Variants in POLD1 observed in about 807,000 individuals in gnomAD.
The protein encoded by POLD1 is DNA polymerase delta catalytic subunit.
POLD1 carries 79 observed loss-of-function variants against 129.7 expected under a neutral mutation model. That is an observed-to-expected ratio of 0.61 (90% CI 0.51 to 0.73). The LOEUF (loss-of-function observed/expected upper bound fraction) is 0.73, where lower values mean the gene tolerates loss of function less well. Among genes scored for constraint, POLD1 ranks in the 30% least tolerant of loss-of-function variants. POLD1 has a pLI of 0.00. For synonymous variants in POLD1, 714 were observed against 683.3 expected, an observed-to-expected ratio of 1.04 and a Z score of -0.70; for missense variants, 1,338 against 1,595.8, an observed-to-expected ratio of 0.84 and a Z score of 2.75.
intron 1 of POLD1, among the ~76,000 whole-genome samples, chr19:50,395,910 G>C (rs1237342561): frequency 1.5e-5 from 2 of 137,362 alleles, no homozygotes; most frequent in Non-Finnish European, 3.0e-5. Flanking sequence ...TTGAGACAGG[G>C]TATTGCCATC....
rs112721361 is a variant in POLD1, at chr19:50,399,381, A to G, written c.213A>G (p.Pro71=). Residue 71 remains proline, a synonymous_variant, in exon 3 of 27, where the codon CCA becomes CCG. Coordinates refer to ENST00000440232, the MANE Select transcript of POLD1 (RefSeq NM_002691.4). ...CCCTTCCCCCACCAGGGCAGGTCCC[A>G]CCATCAGCCATAGATCCTCGCTGGC... ...VLEGVADGQV[P]PSAIDPRWLR... 3.1e-6 allele frequency: 5 copies of G among 1,613,532 alleles called. No homozygotes were observed. The highest frequency in any genetic ancestry group is 1.7e-5 in the Admixed American group (1 of 60,008).
intron 25 of POLD1, 21 bp from the exon 26 acceptor site, chr19:50,417,151 C>T (rs1182270518): frequency 1.3e-6 from 2 of 1,578,990 alleles, no homozygotes; most frequent in South Asian, 1.1e-5. Context: ...GGGCGCCCTG[C>T]TCAGCCGCTG....
At chr19:50,407,830 C>T (rs1392617335) in intron 14 of POLD1, among the ~76,000 whole-genome samples, 1 of 150,288 alleles carries the variant, frequency 6.7e-6, no homozygotes, top group African/African-American at 2.4e-5. Flanking sequence ...CCTCGGCCTC[C>T]CAAAGTGCTG....
chr19:50,393,631 A>G lies in POLD1; in HGVS notation c.-1-5220A>G, dbSNP rs1457396742. On this transcript the variant is annotated intron_variant, in intron 1 of 26. Transcript: ENST00000440232. ...CAGTGAGCTGAGATCATGCCACTGC[A>G]CTCTAGCCTGGGCAACAGAGTGAGA... is the stretch of plus-strand genomic sequence containing the variant. Among the ~76,000 whole-genome samples the G allele has an allele frequency of 2.6e-5, 4 of 152,180 alleles. No homozygotes were observed. The South Asian group carries it at 8.3e-4, about 32-fold the overall frequency.
At position 50,409,274 on chromosome 19, in the gene POLD1, T is replaced by C. The variant is rs764139410; in HGVS notation, c.2006+39T>C. ...ATCGCCTGCTTGGAGCTCAGACCTG[T>C]TGGGGCCTCTGGGCAATCCCTGTCC... On this transcript the variant is annotated intron_variant, in intron 16 of 26. Coordinates refer to ENST00000440232, the MANE Select transcript of POLD1 (RefSeq NM_002691.4). The surrounding 1 kb of genome is among the most constrained non-coding windows in gnomAD (Gnocchi z 5.8). The C allele has an allele frequency of 9.7e-6, 14 of 1,436,560 alleles. No individual in the cohort carries two copies. The South Asian group carries it at 1.3e-4, about 13-fold the overall frequency. The allele number at this position is 1,436,560 out of a possible 1,614,324, so 89.0% of individuals were successfully genotyped here. A position where few individuals can be genotyped will look rare whatever the true frequency, so the allele number is the denominator to read the frequency against.
At chr19:50,416,561 G>A (rs769170847) in intron 23 of POLD1, 33 bp downstream of exon 23, 1 of 1,544,846 alleles carries the variant, frequency 6.5e-7, no homozygotes, top group Admixed American at 1.9e-5. Flanking sequence ...GGGGCACCCT[G>A]GGGGGGCAGA....
intron 3 of POLD1, among the ~76,000 whole-genome samples, chr19:50,401,539 C>T (rs1333551401): frequency 6.6e-6 from 1 of 150,994 alleles, no homozygotes; most frequent in African/African-American, 2.4e-5. Flanking sequence ...CTGTGCACGG[C>T]CAGTTGTTTT....
chr19:50,391,439 C>T (rs1244921767), intron 1 of POLD1, among the ~76,000 whole-genome samples: 5 of 152,234 alleles, frequency 3.3e-5, no homozygotes, highest in Non-Finnish European at 4.4e-5. Flanking sequence ...ACTCCGTCTG[C>T]AATCCCGGCA....
rs1388274211 is a variant in POLD1 at position 50,402,318 on chromosome 19, G to A, written c.703G>A (p.Gly235Ser). The A allele has an allele frequency of 6.2e-7, 1 of 1,611,082 alleles. No individual in the cohort carries two copies. The highest frequency in any genetic ancestry group is 2.2e-5 in the East Asian group (1 of 44,824). The part of the protein sequence containing the change: ...RLLEQGIRVA[G>S]LGTPSFAPYE... ...CCTGGAACAGGGCATCCGTGTGGCA[G>A]GCCTGGGCACGCCCAGCTTCGCGCC... The change falls in exon 6 of 27, where the codon GGC (glycine) becomes AGC (serine). Residue 235 changes from glycine (G) to serine (S), a missense_variant. By Grantham distance (56) the Gly-to-Ser change is moderately conservative. Coordinates refer to ENST00000440232, the MANE Select transcript of POLD1 (RefSeq NM_002691.4).
intron 3 of POLD1, among the ~76,000 whole-genome samples, chr19:50,400,435 G>A (rs2122214135): frequency 6.7e-6 from 1 of 149,522 alleles, no homozygotes; most frequent in South Asian, 2.1e-4. Flanking sequence ...TGGCCAGGCT[G>A]GTTTCAAACT....
In POLD1 at chr19:50,414,973, C is replaced by T. The variant is rs752705226; in HGVS notation, c.2547C>T (p.Arg849=). 1.8e-5 allele frequency: 29 copies of T among 1,590,566 alleles called. No homozygotes were observed. The highest frequency in any genetic ancestry group is 5.4e-5 in the African/African-American group (4 of 74,306). The change falls in exon 20 of 27, where the codon CGC becomes CGT. Residue 849 remains arginine, a synonymous_variant. Coordinates refer to ENST00000440232, the MANE Select transcript of POLD1 (RefSeq NM_002691.4). ...LVANLVTASL[R]RLLIDRDPEG... ...CCAACCTGGTCACTGCCTCACTGCG[C>T]CGCCTGCTCATCGACCGGTGTGTGG...
In POLD1 at chr19:50,406,907, G is replaced by A; in HGVS notation, c.1495-76G>A. On this transcript the variant is annotated intron_variant, in intron 12 of 26. Coordinates refer to ENST00000440232, the MANE Select transcript of POLD1 (RefSeq NM_002691.4). The surrounding 1 kb of genome is among the most constrained non-coding windows in gnomAD (Gnocchi z 5.5). ...GGCCCTCCCCAGGCTACCTCACCCT[G>A]ACCCCCACTTCCTTCTCCTGCTCCA... 1 of 1,232,904 alleles carries A rather than the reference G, an allele frequency of 8.1e-7. No individual in the cohort carries two copies. Among genetic ancestry groups the A allele is most frequent in the Non-Finnish European group, 1.1e-6 (1 of 890,338 alleles). 76.4% of individuals were successfully genotyped at this position (1,232,904 alleles called of 1,614,324 possible).
intron 17 of POLD1, among the ~76,000 whole-genome samples, 187 bp from the exon 18 acceptor site, chr19:50,413,239 A>G (rs1450666459): frequency 1.7e-4 from 26 of 152,052 alleles, no homozygotes. Flanking sequence ...TTTCCACCTG[A>G]CCATTGAGGA....
chr19:50,402,413 C>T, intron 6 of POLD1, 40 bp downstream of exon 6: 1 of 1,613,370 alleles, frequency 6.2e-7, no homozygotes, highest in Non-Finnish European at 8.5e-7. Context: ...CTATCCCCAC[C>T]CTCGGGCAGC....
Position 50,417,858 on chromosome 19 carries a change from T to G in POLD1, c.3235T>G (p.Phe1079Val). Residue 1079 changes from phenylalanine (F) to valine (V), a missense_variant, in exon 27 of 27, where the codon TTC (phenylalanine) becomes GTC (valine). Coordinates refer to ENST00000440232, the MANE Select transcript of POLD1 (RefSeq NM_002691.4). ...VICTSRDCPI[F>V]YMRKKVRKDL... ...CACCCGCAGCCGGGACTGCCCCATC[T>G]TCTACATGCGCAAGAAGGTGCGGAA... 6.2e-7 allele frequency: 1 copy of G among 1,607,166 alleles called. No individual in the cohort carries two copies. The highest frequency in any genetic ancestry group is 8.5e-7 in the Non-Finnish European group (1 of 1,177,062).
At position 50,403,748 on chromosome 19, in the gene POLD1, T is replaced by A. The variant is rs3219384; in HGVS notation, c.1242+151T>A. The A allele has an allele frequency of 4.7e-6, 3 of 638,894 alleles. No individual in the cohort carries two copies. In the African/African-American group the frequency reaches 5.5e-5, roughly 12 times the overall value. The allele number at this position is 638,894 out of a possible 1,614,324, so 39.6% of individuals were successfully genotyped here. On this transcript the variant is annotated intron_variant, in intron 10 of 26. Coordinates refer to ENST00000440232, the MANE Select transcript of POLD1 (RefSeq NM_002691.4). The stretch of plus-strand genomic sequence containing the variant: ...GCCTGCAGGGGCAGCCTAGGCCTGG[T>A]CCTGCCCTGCTCCAAGTCGAAAAAG...
chr19:50,416,037 C>G (rs1176618827), intron 22 of POLD1: 1 of 582,734 alleles, frequency 1.7e-6, no homozygotes, highest in South Asian at 2.2e-5. Context: ...GGAAGGGGCC[C>G]CAGTCCCTCC....
In POLD1 at chr19:50,402,266, G is replaced by A. The variant is rs199622672; in HGVS notation, c.651G>A (p.Pro217=). The A allele has an allele frequency of 5.2e-5, 83 of 1,604,494 alleles. No homozygotes were observed. In the Admixed American group the frequency reaches 8.1e-4, roughly 16 times the overall value. Residue 217 remains proline (P), a synonymous_variant, in exon 6 of 27, where the codon CCG becomes CCA. Coordinates refer to ENST00000440232, the MANE Select transcript of POLD1 (RefSeq NM_002691.4). ...TCCTGCGCATCACCGTGGCGCTGCC[G>A]CGCCTCGTGGCCCCGGCCCGCCGTC... ...SPFLRITVAL[P]RLVAPARRLL... is the part of the protein sequence containing the mutation.
rs2039384824 is a variant in POLD1 at position 50,417,774 on chromosome 19, C to T, written c.3219-68C>T. The T allele has an allele frequency of 5.1e-6, 5 of 984,600 alleles. No individual in the cohort carries two copies. In the East Asian group the frequency reaches 7.8e-5, roughly 15 times the overall value. The allele number at this position is 984,600 out of a possible 1,614,324, so 61.0% of individuals were successfully genotyped here. A position where few individuals can be genotyped will look rare whatever the true frequency, so the allele number is the denominator to read the frequency against. On this transcript the variant is annotated intron_variant, in intron 26 of 26. Coordinates refer to ENST00000440232, the MANE Select transcript of POLD1 (RefSeq NM_002691.4). Reference sequence around the variant, plus strand: ...GGGACCAAAGTCCTGGGAACAGCCCCCACCCCTCTCCCAGGCTGGGCACTG... The same window carrying T: ...GGGACCAAAGTCCTGGGAACAGCCCTCACCCCTCTCCCAGGCTGGGCACTG...
Sources: gnomAD v4.1 joint callset for allele counts (sites outside exome capture counted in the v4.1 genomes callset) on GRCh38, gnomAD v4.1.1 for gene constraint, Gnocchi (gnomAD v3.1) non-coding constraint, MANE v1.5 for transcripts, NCBI Gene and HGNC (gene_info 2026-07-23, HGNC 2026-07-21) for gene names.